Variants in RBMS3 observed in about 807,000 individuals in gnomAD.
The protein encoded by RBMS3 is RNA binding motif single stranded interacting protein 3, also known as RNA-binding motif, single-stranded-interacting protein 3.
A neutral mutation model predicts 66.8 loss-of-function variants in RBMS3; 27 were observed. The observed-to-expected ratio is 0.40, with a 90% CI of 0.30 to 0.56. The LOEUF (loss-of-function observed/expected upper bound fraction) is 0.56. Among genes scored for constraint, RBMS3 ranks in the 20% least tolerant of loss-of-function variants. The probability of loss-of-function intolerance (pLI) is 0.40; values close to 1 mark genes in which losing one functional copy is unlikely to be tolerated. For synonymous variants in RBMS3, 188 were observed against 183.0 expected (o/e 1.03, Z -0.22); for missense variants, 513 against 549.5 (o/e 0.93, Z 0.66).
chr3:29,691,947 C>CTTTTTTT (rs1218393454), intron 4 of RBMS3, among the ~76,000 whole-genome samples: 1 of 53,548 alleles, frequency 1.9e-5, no homozygotes, highest in Non-Finnish European at 3.9e-5. Flanking sequence ...CTCTCTCTCT[C>CTTTTTTT]TATTTTTTTT....
intron 1 of RBMS3, among the ~76,000 whole-genome samples, chr3:29,412,014 A>G (rs2040285650): frequency 6.6e-6 from 1 of 152,260 alleles, no homozygotes; most frequent in South Asian, 2.1e-4. Flanking sequence ...GTCAATGTTG[A>G]TAGTCAAATA....
chr3:29,719,047 C>T (rs2149317908), intron 4 of RBMS3, among the ~76,000 whole-genome samples: 1 of 152,200 alleles, frequency 6.6e-6, no homozygotes, highest in Middle Eastern at 3.4e-3. Flanking sequence ...GTGATTTTTG[C>T]TTCTCAAGCT....
chr3:29,884,019 C>A, intron 7 of RBMS3, 143 bp from the exon 8 acceptor site: 1 of 627,188 alleles, frequency 1.6e-6, no homozygotes, highest in South Asian at 2.4e-5. Flanking sequence ...CTAGTCTTGG[C>A]AGTAAGCATA....
At chr3:29,930,377 G>T (rs1165412924) in intron 10 of RBMS3, among the ~76,000 whole-genome samples, 5 of 151,850 alleles carry the variant, frequency 3.3e-5, no homozygotes, top group Non-Finnish European at 5.9e-5. Flanking sequence ...CTCCCAAAGT[G>T]CTGGGATTAC....
chr3:29,737,202 C>G (rs1044922084), intron 4 of RBMS3, among the ~76,000 whole-genome samples: 10 of 152,130 alleles, frequency 6.6e-5, no homozygotes, highest in African/African-American at 2.4e-4. Flanking sequence ...GTCTCGACCT[C>G]CTGACCTCGT....
chr3:29,909,098 T>C (rs1463829359), intron 10 of RBMS3, among the ~76,000 whole-genome samples: 1 of 152,058 alleles, frequency 6.6e-6, no homozygotes, highest in East Asian at 1.9e-4. Flanking sequence ...CAAAGGGGAC[T>C]ACGGGGGGAG....
intron 3 of RBMS3, among the ~76,000 whole-genome samples, chr3:29,573,351 C>A (rs532820139): frequency 6.6e-5 from 10 of 152,230 alleles, no homozygotes; most frequent in African/African-American, 2.4e-4. Flanking sequence ...AATCTCCCAA[C>A]CTCTGGTGAT....
intron 6 of RBMS3, among the ~76,000 whole-genome samples, chr3:29,816,811 G>T (rs1427739844): frequency 6.6e-6 from 1 of 152,130 alleles, no homozygotes; most frequent in Admixed American, 6.6e-5. Flanking sequence ...AAACAAATAG[G>T]TTGGGTGTGG....
At chr3:29,628,693 A>G (rs2049160504) in intron 4 of RBMS3, among the ~76,000 whole-genome samples, 1 of 150,998 alleles carries the variant, frequency 6.6e-6, no homozygotes, top group African/African-American at 2.4e-5. Flanking sequence ...ACAAGAAAAG[A>G]AAAAACATTG....
chr3:29,864,909 AGAGAGAG>A (rs2059313403), intron 6 of RBMS3, among the ~76,000 whole-genome samples: 1 of 111,014 alleles, frequency 9.0e-6, no homozygotes, highest in South Asian at 3.8e-4. Context: ...AAGGAGGAAG[AGAGAGAG>A]AGGAAGGAAG....
In RBMS3 at chr3:29,866,716, C is replaced by G. The variant is rs193068305; in HGVS notation, c.638-2142C>G. Among the ~76,000 whole-genome samples, 279 of 152,268 alleles carry G rather than the reference C, an allele frequency of 1.8e-3. 7 individuals carry two copies. Among genetic ancestry groups the G allele is most frequent in the Admixed American group, 0.018 (279 of 15,290 alleles). ...GTTTTTCATCTGGAATCAGAATTTA[C>G]AGTACTTATAACATAAAGAATTAGG... On this transcript the variant is annotated intron_variant, in intron 6 of 14. Coordinates refer to ENST00000383767, the MANE Select transcript of RBMS3 (RefSeq NM_001003793.3).
In RBMS3 at chr3:29,826,235, T is replaced by A. The variant is rs9836835; in HGVS notation, c.638-42623T>A. Among the ~76,000 whole-genome samples the A allele has an allele frequency of 3.6e-3, 544 of 152,310 alleles. 10 individuals are homozygous for A. Among genetic ancestry groups the A allele is most frequent in the African/African-American group, 0.013 (520 of 41,586 alleles). On this transcript the variant is annotated intron_variant, in intron 6 of 14. Coordinates refer to ENST00000383767, the MANE Select transcript of RBMS3 (RefSeq NM_001003793.3). ...TAAAATGCTGCTTGCAACTTATGCC[T>A]TTATAAGCTGTGAGTCTCCTATAGC...
Position 30,010,014 on chromosome 3 carries a change from T to C in RBMS3, c.*6152T>C, listed in dbSNP as rs1198079113. ...TATTTCAAAAGAAGAAGAAGAAAAA[T>C]GGAATCTTAATTTAAAAAAATATAT... On this transcript the variant is annotated 3_prime_UTR_variant, in exon 15 of 15. Coordinates refer to ENST00000383767, the MANE Select transcript of RBMS3 (RefSeq NM_001003793.3). 1 of 151,710 alleles carries C rather than the reference T, an allele frequency of 6.6e-6. No individual in the cohort carries two copies. The highest frequency in any genetic ancestry group is 1.5e-5 in the Non-Finnish European group (1 of 67,956). 9.4% of individuals were successfully genotyped at this position (151,710 alleles called of 1,614,324 possible).
chr3:29,957,165 A>G (rs1224012823), intron 12 of RBMS3, among the ~76,000 whole-genome samples: 1 of 152,006 alleles, frequency 6.6e-6, no homozygotes, highest in Non-Finnish European at 1.5e-5. Flanking sequence ...GTCTGGGAAT[A>G]CCTTTATTGT....
chr3:29,556,623 A>AAGAAAC (rs373427783), intron 3 of RBMS3, among the ~76,000 whole-genome samples: 164 of 152,116 alleles, frequency 1.1e-3, no homozygotes, highest in African/African-American at 3.9e-3. Context: ...GAAAAAGAAA[A>AAGAAAC]TGAATGAACA....
At chr3:29,335,350 C>T (rs1195831830) in intron 1 of RBMS3, among the ~76,000 whole-genome samples, 1 of 152,088 alleles carries the variant, frequency 6.6e-6, no homozygotes, top group Non-Finnish European at 1.5e-5. Flanking sequence ...CATATAATGC[C>T]TGTTGGTGCA....
intron 6 of RBMS3, among the ~76,000 whole-genome samples, chr3:29,803,714 A>G (rs1161744441): frequency 6.6e-6 from 1 of 152,104 alleles, no homozygotes; most frequent in African/African-American, 2.4e-5. Flanking sequence ...GATGAAATAT[A>G]TAGACACACA....
At chr3:29,509,914 G>A (rs868325310) in intron 3 of RBMS3, among the ~76,000 whole-genome samples, 2 of 152,158 alleles carry the variant, frequency 1.3e-5, no homozygotes, top group African/African-American at 4.8e-5. Context: ...GTTGTCCAAT[G>A]CATGTCTAAA....
chr3:29,437,977 A>G (rs2041462163), intron 2 of RBMS3, among the ~76,000 whole-genome samples: 1 of 152,028 alleles, frequency 6.6e-6, no homozygotes. Flanking sequence ...TGATGGCTGA[A>G]AAAACCTTTG....
Sources: allele counts gnomAD v4.1 joint callset (sites outside exome capture counted in the v4.1 genomes callset), GRCh38; gene constraint gnomAD v4.1.1; transcripts MANE v1.5; gene names NCBI Gene and HGNC (gene_info 2026-07-23, HGNC 2026-07-21).